Variants in SDK2 observed in about 807,000 individuals in gnomAD.
The protein encoded by SDK2 is protein sidekick-2.
Under a neutral mutation model 253.9 loss-of-function variants are expected in SDK2, and 105 were observed. The observed-to-expected ratio is 0.41, with a 90% CI of 0.35 to 0.49. The LOEUF is 0.49. Ranked by LOEUF, SDK2 falls within the 20% of genes least tolerant of loss-of-function variation. The pLI is 0.06. For synonymous variants in SDK2, 1,249 were observed against 1,234.9 expected (o/e 1.01, Z -0.24); for missense variants, 2,608 against 3,003.0 (o/e 0.87, Z 3.07).
At position 73,362,317 on chromosome 17, in the gene SDK2, CCAGG is replaced by C. The variant is rs1568365997; in HGVS notation, c.5306-476_5306-473del. 3.3e-5 allele frequency among the ~76,000 whole-genome samples: 5 copies of C among 152,208 alleles called. No homozygotes were observed. In the South Asian group the frequency reaches 1.0e-3, roughly 32 times the overall value. On this transcript the variant is annotated intron_variant, in intron 38 of 44. Coordinates refer to ENST00000392650, the MANE Select transcript of SDK2 (RefSeq NM_001144952.2). The stretch of plus-strand genomic sequence containing the variant: ...CAGAGTTGCGGGGACACACTTTTGA[CCAGG>C]TCCTCCACCTGAGCCCCACTCCAGC...
intron 1 of SDK2, among the ~76,000 whole-genome samples, chr17:73,537,288 T>C (rs2044791427): frequency 6.6e-6 from 1 of 152,106 alleles, no homozygotes; most frequent in East Asian, 1.9e-4. Context: ...CCGCGTCTGT[T>C]AACGAGGGAG....
At chr17:73,607,413 T>G (rs916472709) in intron 1 of SDK2, among the ~76,000 whole-genome samples, 1 of 152,146 alleles carries the variant, frequency 6.6e-6, no homozygotes, top group African/African-American at 2.4e-5. Flanking sequence ...TCAGCACCTG[T>G]CATGTACCAG....
chr17:73,520,548 A>G (rs1044007521), intron 1 of SDK2: 3 of 152,084 alleles, frequency 2.0e-5, no homozygotes, highest in African/African-American at 7.3e-5. Context: ...CACAGACGAG[A>G]CCCCTGGGGC....
chr17:73,643,601 C>T lies in SDK2; in HGVS notation c.64+424G>A, dbSNP rs1036763135. On this transcript the variant is annotated intron_variant, in intron 1 of 44. Transcript: ENST00000392650. This position sits in a 1 kb window ranked among gnomAD's most constrained non-coding sequence, Gnocchi z 6.9. ...CCCGGGGAGGCCATCGCCTGCCCGG[C>T]AGGGGCCCTGCCCTTCCCCGCAGAC... Among the ~76,000 whole-genome samples, 3 of 152,108 alleles carry T rather than the reference C, an allele frequency of 2.0e-5. No homozygotes were observed. The highest frequency in any genetic ancestry group is 7.2e-5 in the African/African-American group (3 of 41,448).
chr17:73,387,794 G>T, intron 30 of SDK2, 42 bp downstream of exon 30: 1 of 1,492,134 alleles, frequency 6.7e-7, no homozygotes, highest in Non-Finnish European at 9.0e-7. Context: ...GTCCCGGCGG[G>T]GAGAGGGGCA....
At chr17:73,626,887 A>G (rs1344516945) in intron 1 of SDK2, among the ~76,000 whole-genome samples, 1 of 152,172 alleles carries the variant, frequency 6.6e-6, no homozygotes, top group Non-Finnish European at 1.5e-5. Flanking sequence ...CTGAGGACAG[A>G]GGGGCAGTGT....
chr17:73,350,804 A>G lies in SDK2; in HGVS notation c.5759-14T>C, dbSNP rs4969107. 1,565,091 of 1,602,898 alleles carry G rather than the reference A, an allele frequency of 0.98. 768,913 individuals carry two copies. Among genetic ancestry groups the G allele is most frequent in the Non-Finnish European group, 1 (1,174,677 of 1,175,632 alleles). On this transcript the variant is annotated splice_polypyrimidine_tract_variant and intron_variant, in intron 41 of 44. Transcript: ENST00000392650. ...TGGCTTTCTGGGCTGGAGCACAGAT[A>G]GTCAGGTATATAGGGTGCTCAGCCC...
At chr17:73,341,619 T>C (rs1209336144) in intron 44 of SDK2, among the ~76,000 whole-genome samples, 2 of 151,914 alleles carry the variant, frequency 1.3e-5, no homozygotes, top group Admixed American at 6.6e-5. Context: ...CCAGACAAGT[T>C]TGGGATGGGG....
At chr17:73,552,513 G>A (rs569460717) in intron 1 of SDK2, among the ~76,000 whole-genome samples, 3 of 152,274 alleles carry the variant, frequency 2.0e-5, no homozygotes, top group East Asian at 1.9e-4. Flanking sequence ...ATGGCCGAGC[G>A]GTCAGTGGTC....
intron 21 of SDK2, among the ~76,000 whole-genome samples, chr17:73,400,067 G>C (rs1257739678): frequency 1.3e-5 from 2 of 152,220 alleles, no homozygotes. Flanking sequence ...CTTTGGCTGA[G>C]ACTCAGGCAG....
At chr17:73,458,654 C>T (rs536741445) in intron 3 of SDK2, among the ~76,000 whole-genome samples, 13 of 152,284 alleles carry the variant, frequency 8.5e-5, no homozygotes, top group African/African-American at 3.1e-4. Context: ...GGCATTTCTC[C>T]AAGGAGGGCC....
intron 16 of SDK2, among the ~76,000 whole-genome samples, chr17:73,416,395 C>T (rs2063182976): frequency 6.6e-6 from 1 of 151,916 alleles, no homozygotes; most frequent in Admixed American, 6.6e-5. Context: ...CAGGGTTTCA[C>T]CATGTTGGCC....
At chr17:73,400,883 A>T in intron 21 of SDK2, 137 bp downstream of exon 21, 1 of 800,780 alleles carries the variant, frequency 1.2e-6, no homozygotes, top group Non-Finnish European at 1.9e-6. Flanking sequence ...CCTGACCTCA[A>T]GTGATACGCC....
intron 1 of SDK2, among the ~76,000 whole-genome samples, chr17:73,587,327 G>A (rs1567858053): frequency 6.6e-6 from 1 of 152,192 alleles, no homozygotes. Context: ...GAGCCTGGAC[G>A]GGCCAGGGCA....
intron 5 of SDK2, among the ~76,000 whole-genome samples, chr17:73,441,840 C>T (rs564112395): frequency 6.6e-5 from 10 of 152,162 alleles, no homozygotes; most frequent in African/African-American, 2.4e-4. Context: ...CTGTGTCCCC[C>T]ACCCATTCAT....
At chr17:73,406,737 C>A (rs2063082584) in intron 18 of SDK2, among the ~76,000 whole-genome samples, 1 of 151,866 alleles carries the variant, frequency 6.6e-6, no homozygotes, top group Admixed American at 6.6e-5. Flanking sequence ...AAAATCAATC[C>A]CTAAAAATCA....
At chr17:73,429,699 A>T (rs190522314) in intron 12 of SDK2, among the ~76,000 whole-genome samples, 372 of 152,376 alleles carry the variant, frequency 2.4e-3, no homozygotes, top group Non-Finnish European at 3.9e-3. Context: ...AGCAACACGC[A>T]GGGAATATTT....
At chr17:73,375,624 C>T (rs927960406) in intron 36 of SDK2, among the ~76,000 whole-genome samples, 11 of 152,204 alleles carry the variant, frequency 7.2e-5, no homozygotes, top group South Asian at 4.1e-4. Flanking sequence ...TTTGGGAGAC[C>T]GAGGGCGGAT....
At chr17:73,441,849 A>G (rs1038976691) in intron 5 of SDK2, among the ~76,000 whole-genome samples, 4 of 152,100 alleles carry the variant, frequency 2.6e-5, no homozygotes, top group Admixed American at 2.6e-4. Flanking sequence ...CCACCCATTC[A>G]TATGTTGAGC....
Sources: gnomAD v4.1 joint callset for allele counts (sites outside exome capture counted in the v4.1 genomes callset) on GRCh38, gnomAD v4.1.1 for gene constraint, Gnocchi (gnomAD v3.1) non-coding constraint, MANE v1.5 for transcripts, NCBI Gene and HGNC (gene_info 2026-07-23, HGNC 2026-07-21) for gene names.